The following TFF3 variants were observed in gnomAD, a reference collection of about 807,000 sequenced individuals.
TFF3 encodes trefoil factor 3.
A neutral mutation model predicts 9.7 loss-of-function variants in TFF3; 6 were observed. That is an observed-to-expected ratio of 0.62 (90% CI 0.34 to 1.22). The LOEUF (loss-of-function observed/expected upper bound fraction) is 1.22, where lower values mean the gene tolerates loss of function less well. Among genes scored for constraint, TFF3 ranks in the 50% most tolerant of loss-of-function variants. TFF3 has a pLI of 0.04. For synonymous variants in TFF3, 48 were observed against 41.4 expected (o/e 1.16, Z -0.61); for missense variants, 93 against 98.6 (o/e 0.94, Z 0.24).
Position 42,313,768 on chromosome 21 carries a change from T to G in TFF3, c.83-137A>C. On this transcript the variant is annotated intron_variant, in intron 1 of 2. Coordinates refer to ENST00000518498, the MANE Select transcript of TFF3 (RefSeq NM_003226.4). The surrounding 1 kb of genome is among the most constrained non-coding windows in gnomAD (Gnocchi z 4.0). ...TCAACCACTGCTGAAACCCTCGCCC[T>G]TAGGAAGATGCACTTTCCCTGTGAA... 2 of 973,356 alleles carry G rather than the reference T, an allele frequency of 2.1e-6. No individual in the cohort carries two copies. The highest frequency in any genetic ancestry group is 2.9e-6 in the Non-Finnish European group (2 of 690,716). The allele number at this position is 973,356 out of a possible 1,614,324, so 60.3% of individuals were successfully genotyped here.
At chr21:42,315,272 G>C in intron 1 of TFF3, 21 bp downstream of exon 1, 4 of 1,601,408 alleles carry the variant, frequency 2.5e-6, no homozygotes, top group Non-Finnish European at 3.4e-6. Flanking sequence ...CTGCCACCGG[G>C]GCAGTCAGGG....
intron 2 of TFF3, 84 bp from the exon 3 acceptor site, chr21:42,312,353 C>G (rs1021767966): frequency 3.7e-5 from 55 of 1,499,538 alleles, no homozygotes; most frequent in Non-Finnish European, 2.3e-5. Context: ...GGCTCCAAGG[C>G]CAGCACCTAG....
rs1184011603 is a variant in TFF3 at position 42,313,626 on chromosome 21, T to C, written c.88A>G (p.Asn30Asp). The C allele has an allele frequency of 6.2e-7, 1 of 1,609,166 alleles. No individual in the cohort carries two copies. The change falls in exon 2 of 3, where the codon AAC (asparagine) becomes GAC (aspartate). Residue 30 changes from asparagine to aspartate, a missense_variant. Asn to Asp is a conservative substitution (Grantham distance 23). Coordinates refer to ENST00000518498, the MANE Select transcript of TFF3 (RefSeq NM_003226.4). This position sits in a 1 kb window ranked among gnomAD's most constrained non-coding sequence, Gnocchi z 4.0. ...SAEEYVGLSA[N>D]QCAVPAKDRV... ...TCCTTGGCTGGCACGGCACACTGGT[T>C]TGCAGCTGTCCCAGACAAAGCCCTG...
rs2069333792 is a variant in TFF3 at position 42,312,105 on chromosome 21, A to G, written c.*151T>C. On this transcript the variant is annotated 3_prime_UTR_variant, in exon 3 of 3. Transcript: ENST00000518498. ...GAGCATGGGACCTTTATTCGTTAAG[A>G]CATCAGGCTCCAGATATGAACTTTC... is the stretch of plus-strand genomic sequence containing the variant. The G allele has an allele frequency of 2.9e-6, 3 of 1,024,176 alleles. No individual in the cohort carries two copies. Among genetic ancestry groups the G allele is most frequent in the South Asian group, 1.3e-5 (1 of 78,368 alleles). The allele number at this position is 1,024,176 out of a possible 1,614,324, so 63.4% of individuals were successfully genotyped here. A position where few individuals can be genotyped will look rare whatever the true frequency, so the allele number is the denominator to read the frequency against.
In TFF3 at chr21:42,312,371, T is replaced by A; in HGVS notation, c.230-102A>T. 4 of 1,402,334 alleles carry A rather than the reference T, an allele frequency of 2.9e-6. 1 individual carries two copies. Among genetic ancestry groups the A allele is most frequent in the Middle Eastern group, 5.1e-4 (2 of 3,886 alleles). 86.9% of individuals were successfully genotyped at this position (1,402,334 alleles called of 1,614,324 possible). ...TCCAAGGCCAGCACCTAGTGCTGCC[T>A]CCTCCCCAGAGTCACCGGGGAGTGT... On this transcript the variant is annotated intron_variant, in intron 2 of 2. Transcript: ENST00000518498.
In TFF3 at chr21:42,311,947, C is replaced by A. The variant is rs946409677; in HGVS notation, c.*309G>T. 1 of 601,250 alleles carries A rather than the reference C, an allele frequency of 1.7e-6. No homozygotes were observed. 37.2% of individuals were successfully genotyped at this position (601,250 alleles called of 1,614,324 possible). Reference sequence around the variant, plus strand: ...AAATATCCTTGCATGCACTGCAGCTCCTTAGGGAGTCTTTTCCTGCCCTTG... The same window carrying A: ...AAATATCCTTGCATGCACTGCAGCTACTTAGGGAGTCTTTTCCTGCCCTTG... On this transcript the variant is annotated 3_prime_UTR_variant, in exon 3 of 3. Coordinates refer to ENST00000518498, the MANE Select transcript of TFF3 (RefSeq NM_003226.4).
Position 42,311,958 on chromosome 21 carries a change from C to T in TFF3, c.*298G>A. On this transcript the variant is annotated 3_prime_UTR_variant, in exon 3 of 3. Coordinates refer to ENST00000518498, the MANE Select transcript of TFF3 (RefSeq NM_003226.4). ...CATGCACTGCAGCTCCTTAGGGAGT[C>T]TTTTCCTGCCCTTGAGGCCTGGGCA... 1.6e-6 allele frequency: 1 copy of T among 614,484 alleles called. No individual in the cohort carries two copies. Among genetic ancestry groups the T allele is most frequent in the South Asian group, 1.9e-5 (1 of 53,700 alleles). The allele number at this position is 614,484 out of a possible 1,614,324, so 38.1% of individuals were successfully genotyped here. A position where few individuals can be genotyped will look rare whatever the true frequency, so the allele number is the denominator to read the frequency against.
rs1258111693 is a variant in TFF3 at position 42,313,063 on chromosome 21, G to A, written c.229+422C>T. On this transcript the variant is annotated intron_variant, in intron 2 of 2. Coordinates refer to ENST00000518498, the MANE Select transcript of TFF3 (RefSeq NM_003226.4). This position sits in a 1 kb window ranked among gnomAD's most constrained non-coding sequence, Gnocchi z 4.0. Reference sequence around the variant, plus strand: ...AGTGGGGGAGGTGGGGTGTGGCACCGAGGCCTGACGTCTAGGGCTGGGACC... The same window carrying A: ...AGTGGGGGAGGTGGGGTGTGGCACCAAGGCCTGACGTCTAGGGCTGGGACC... Among the ~76,000 whole-genome samples, 2 of 152,086 alleles carry A rather than the reference G, an allele frequency of 1.3e-5. No homozygotes were observed. The highest frequency in any genetic ancestry group is 2.9e-5 in the Non-Finnish European group (2 of 67,992).
Position 42,313,458 on chromosome 21 carries a change from C to G in TFF3, c.229+27G>C, listed in dbSNP as rs375568423. The stretch of plus-strand genomic sequence containing the variant: ...ACCCCCTGCCTTATGGGGCTGGGCC[C>G]AGACCACGATGCCACTGGGGCCTTA... On this transcript the variant is annotated intron_variant, in intron 2 of 2. Coordinates refer to ENST00000518498, the MANE Select transcript of TFF3 (RefSeq NM_003226.4). This position sits in a 1 kb window ranked among gnomAD's most constrained non-coding sequence, Gnocchi z 4.0. 1.0e-3 allele frequency: 1,595 copies of G among 1,594,144 alleles called. 13 individuals are homozygous for G. In the African/African-American group the frequency reaches 0.018, roughly 18 times the overall value.
chr21:42,312,035 G>T lies in TFF3; in HGVS notation c.*221C>A. 2.8e-6 allele frequency: 2 copies of T among 703,316 alleles called. No homozygotes were observed. The highest frequency in any genetic ancestry group is 2.6e-6 in the Non-Finnish European group (1 of 381,494). 43.6% of individuals were successfully genotyped at this position (703,316 alleles called of 1,614,324 possible). The stretch of plus-strand genomic sequence containing the variant: ...TCTCCCACGACGCAGCAGAAATAAA[G>T]CACAACCTCAGAAAGTCTCAGGCAC... On this transcript the variant is annotated 3_prime_UTR_variant, in exon 3 of 3. Coordinates refer to ENST00000518498, the MANE Select transcript of TFF3 (RefSeq NM_003226.4).
Position 42,312,166 on chromosome 21 carries a change from AG to A in TFF3, c.*89del. ...CTTGCCGGGAGCAAAGGGACAGAAAAGCTGAGATGAACAGTGCCTGGCAGCA... is the reference window on the plus strand; with the variant it reads ...CTTGCCGGGAGCAAAGGGACAGAAAACTGAGATGAACAGTGCCTGGCAGCA... On this transcript the variant is annotated 3_prime_UTR_variant, in exon 3 of 3. Coordinates refer to ENST00000518498, the MANE Select transcript of TFF3 (RefSeq NM_003226.4). The A allele has an allele frequency of 6.4e-7, 1 of 1,571,044 alleles. No individual in the cohort carries two copies. The highest frequency in any genetic ancestry group is 8.8e-7 in the Non-Finnish European group (1 of 1,140,818).
At chr21:42,314,845 G>A (rs773537840) in intron 1 of TFF3, among the ~76,000 whole-genome samples, 38 of 152,282 alleles carry the variant, frequency 2.5e-4, no homozygotes, top group Non-Finnish European at 4.7e-4. Context: ...TGGGTTAATG[G>A]AGCAGCCACA....
Position 42,313,584 on chromosome 21 carries a change from A to T in TFF3, c.130T>A (p.Tyr44Asn). The T allele has an allele frequency of 6.2e-7, 1 of 1,611,364 alleles. No homozygotes were observed. The highest frequency in any genetic ancestry group is 1.1e-5 in the South Asian group (1 of 90,798). Residue 44 changes from tyrosine to asparagine, a missense_variant, in exon 2 of 3, where the codon TAC becomes AAC. Tyr to Asn is a moderately radical substitution (Grantham distance 143). Transcript: ENST00000518498. This position sits in a 1 kb window ranked among gnomAD's most constrained non-coding sequence, Gnocchi z 4.0. Reference sequence around the variant, plus strand: ...CACTCCTTGGGGGTGACATGGGGGTAGCCGCAGTCCACCCTGTCCTTGGCT... The same window carrying T: ...CACTCCTTGGGGGTGACATGGGGGTTGCCGCAGTCCACCCTGTCCTTGGCT... ...VPAKDRVDCG[Y>N]PHVTPKECNN...
intron 2 of TFF3, among the ~76,000 whole-genome samples, chr21:42,312,727 C>T (rs1181975940): frequency 6.6e-6 from 1 of 152,202 alleles, no homozygotes. Flanking sequence ...GCATTTCACC[C>T]TAGGACAAAG....
At chr21:42,314,162 C>T (rs1333292597) in intron 1 of TFF3, among the ~76,000 whole-genome samples, 1 of 152,228 alleles carries the variant, frequency 6.6e-6, no homozygotes, top group African/African-American at 2.4e-5. Context: ...CCAATATTTT[C>T]ATGTTTCAGG....
intron 1 of TFF3, among the ~76,000 whole-genome samples, chr21:42,314,064 C>T (rs1179826155): frequency 2.6e-5 from 4 of 152,198 alleles, no homozygotes; most frequent in Admixed American, 6.5e-5. Context: ...ATCATTGCAA[C>T]GCATGCTGCC....
Position 42,313,585 on chromosome 21 carries a change from G to T in TFF3, c.129C>A (p.Gly43=). The T allele has an allele frequency of 6.2e-7, 1 of 1,611,336 alleles. No individual in the cohort carries two copies. Among genetic ancestry groups the T allele is most frequent in the Non-Finnish European group, 8.5e-7 (1 of 1,179,610 alleles). Residue 43 remains glycine, a synonymous_variant, in exon 2 of 3, where the codon GGC becomes GGA. Coordinates refer to ENST00000518498, the MANE Select transcript of TFF3 (RefSeq NM_003226.4). The surrounding 1 kb of genome is among the most constrained non-coding windows in gnomAD (Gnocchi z 4.0). ...ACTCCTTGGGGGTGACATGGGGGTAGCCGCAGTCCACCCTGTCCTTGGCTG... is the reference window on the plus strand; with the variant it reads ...ACTCCTTGGGGGTGACATGGGGGTATCCGCAGTCCACCCTGTCCTTGGCTG... ...AVPAKDRVDC[G]YPHVTPKECN...
intron 1 of TFF3, among the ~76,000 whole-genome samples, chr21:42,314,579 G>C (rs562934464): frequency 6.6e-6 from 1 of 152,354 alleles, no homozygotes; most frequent in Non-Finnish European, 1.5e-5. Context: ...CTTGAACCCA[G>C]GAGGCGGAGG....
At chr21:42,312,848 G>A (rs925361798) in intron 2 of TFF3, among the ~76,000 whole-genome samples, 3 of 152,126 alleles carry the variant, frequency 2.0e-5, no homozygotes, top group Non-Finnish European at 2.9e-5. Context: ...ATAGCCAATC[G>A]CCCCACCCAC....
Sources: allele counts gnomAD v4.1 joint callset (sites outside exome capture counted in the v4.1 genomes callset), GRCh38; gene constraint gnomAD v4.1.1; non-coding constraint Gnocchi (gnomAD v3.1); transcripts MANE v1.5; gene names NCBI Gene and HGNC (gene_info 2026-07-23, HGNC 2026-07-21).